NLRP2: variants seen among roughly 807,000 people sequenced by gnomAD.
NLRP2 encodes NACHT, LRR and PYD domains-containing protein 2.
In NLRP2, 107 loss-of-function variants were observed where a neutral mutation model predicts 97.2. The ratio of observed to expected loss-of-function variants is 1.10; its 90% CI spans 0.94 to 1.29. The LOEUF (loss-of-function observed/expected upper bound fraction) is 1.29. NLRP2 is among the 50% of genes most tolerant of loss of function. The probability of loss-of-function intolerance (pLI) is 0.00; values close to 1 mark genes in which losing one functional copy is unlikely to be tolerated. For missense variants in NLRP2, 1,495 were observed against 1,330.3 expected (o/e 1.12, Z -1.93); for synonymous variants, 663 against 551.5 (o/e 1.20, Z -2.83).
At position 54,994,237 on chromosome 19, in the gene NLRP2, G is replaced by A. The variant is rs199897851; in HGVS notation, c.2709-32G>A. 4.2e-5 allele frequency: 67 copies of A among 1,612,818 alleles called. No homozygotes were observed. In the Admixed American group the frequency reaches 8.3e-4, roughly 20 times the overall value. ...CACAGCAGTGAGAACTCACAGGTTC[G>A]GGTTTGCTTTCTTCCTGTGGTTGAT... On this transcript the variant is annotated intron_variant, in intron 10 of 12. Coordinates refer to ENST00000448584, the MANE Select transcript of NLRP2 (RefSeq NM_017852.5).
chr19:54,989,238 G>A (rs1188870254), intron 8 of NLRP2, among the ~76,000 whole-genome samples: 1 of 151,824 alleles, frequency 6.6e-6, no homozygotes, highest in East Asian at 2.0e-4. Flanking sequence ...TTACAGGCAT[G>A]AGCCATTGCC....
chr19:54,994,473 T>C (rs1568535873), intron 11 of NLRP2, 34 bp downstream of exon 11: 2 of 1,605,058 alleles, frequency 1.2e-6, no homozygotes, highest in Admixed American at 3.3e-5. Context: ...TTCCTATACT[T>C]ACACCTTACT....
At chr19:54,981,790 T>C (rs1274939028) in intron 5 of NLRP2, 108 bp downstream of exon 5, 1 of 797,700 alleles carries the variant, frequency 1.3e-6, no homozygotes, top group African/African-American at 1.7e-5. Flanking sequence ...TATGTATGTA[T>C]GTATCGAGAC....
Position 54,997,397 on chromosome 19 carries a change from T to C in NLRP2, c.2960T>C (p.Leu987Pro). Reference protein sequence around the residue: ...ALSCNQSLVTLDLGQNPLGSS... With the variant: ...ALSCNQSLVTPDLGQNPLGSS... ...AGCTGCAACCAGAGCCTCGTCACTC[T>C]GGACCTGGGTCAGAATCCCTTGGGG... Residue 987 changes from leucine to proline, a missense_variant, in exon 12 of 13, where the codon CTG (leucine) becomes CCG (proline). Coordinates refer to ENST00000448584, the MANE Select transcript of NLRP2 (RefSeq NM_017852.5). 6.2e-7 allele frequency: 1 copy of C among 1,614,232 alleles called. No homozygotes were observed. Among genetic ancestry groups the C allele is most frequent in the Non-Finnish European group, 8.5e-7 (1 of 1,180,024 alleles).
intron 3 of NLRP2, chr19:54,976,726 CTT>C (rs1296056181): frequency 2.4e-6 from 1 of 411,370 alleles, no homozygotes; most frequent in Non-Finnish European, 4.7e-6. Context: ...TCCCCAGCAT[CTT>C]TTCAGGAGTT....
rs542595340 is a variant in NLRP2 at position 54,980,496 on chromosome 19, G to A, written c.398-1121G>A. Among the ~76,000 whole-genome samples the A allele has an allele frequency of 2.6e-4, 40 of 152,264 alleles. No individual in the cohort carries two copies. The South Asian group carries it at 7.5e-3, about 28-fold the overall frequency. On this transcript the variant is annotated intron_variant, in intron 4 of 12. Transcript: ENST00000448584. ...GGCGTGAGCCACCGCGCCCAGCCGC[G>A]GGTAAAGAAATTTATGAAGACAATC... is the stretch of plus-strand genomic sequence containing the variant.
intron 2 of NLRP2, among the ~76,000 whole-genome samples, chr19:54,971,809 A>G (rs1337207014): frequency 6.6e-6 from 1 of 152,038 alleles, no homozygotes; most frequent in East Asian, 1.9e-4. Context: ...TAACAATACA[A>G]TAAAATGCAC....
At chr19:54,998,604 CTTTTTTCTTTTTTTTTTTTTTTTTTCCTT>C (rs1316362539) in intron 12 of NLRP2, among the ~76,000 whole-genome samples, 3 of 16,434 alleles carry the variant, frequency 1.8e-4, no homozygotes, top group African/African-American at 7.3e-4. Context: ...TGGGGTGCAT[CTTTTTTCTTTTTTTTTTTTTTTTTTCCTT>C]TTTTTTTTTT....
chr19:54,980,221 GAC>G (rs1401875994), intron 4 of NLRP2, among the ~76,000 whole-genome samples: 1 of 149,788 alleles, frequency 6.7e-6, no homozygotes, highest in Non-Finnish European at 1.5e-5. Context: ...TTTTTTTTGA[GAC>G]AGTCTTGCTC....
chr19:54,998,787 G>A (rs536977677), intron 12 of NLRP2, among the ~76,000 whole-genome samples: 230 of 150,970 alleles, frequency 1.5e-3, no homozygotes, highest in Non-Finnish European at 2.6e-3. Context: ...GCGGCCTTCC[G>A]CAGCGTTTGT....
Position 54,982,236 on chromosome 19 carries a change from A to T in NLRP2, c.538A>T (p.Lys180Ter). ...GTGGAAGAGCTGGCCTGGAGATAGC[A>T]AAGAGGTCCAGGTTATGGCTGAGAG... ...EMWKSWPGDSKEVQVMAERYK... is the reference protein window; with the variant it reads ...EMWKSWPGDS Residue 180 changes from lysine (K) to a stop codon, truncating the protein, a stop_gained, in exon 6 of 13, where the codon AAA (lysine) becomes TAA (stop). Coordinates refer to ENST00000448584, the MANE Select transcript of NLRP2 (RefSeq NM_017852.5). LOFTEE classifies it high-confidence loss of function. 1.2e-6 allele frequency: 2 copies of T among 1,614,146 alleles called. No individual in the cohort carries two copies. The highest frequency in any genetic ancestry group is 1.7e-6 in the Non-Finnish European group (2 of 1,180,034).
rs749684265 is a variant in NLRP2 at position 54,976,810 on chromosome 19, C to CTTTTTTTTTTTT, written c.326-941_326-940insTTTTTTTTTTTT. ...TTATTAGGATTCCACCTTGTTCTCTCTCTTTTTTTTTTTTTTTTTGATACG... is the reference window on the plus strand; with the variant it reads ...TTATTAGGATTCCACCTTGTTCTCTCTTTTTTTTTTTTTCTTTTTTTTTTTTTTTTTGATACG... On this transcript the variant is annotated intron_variant, in intron 3 of 12. Transcript: ENST00000448584. 1,518 of 319,436 alleles carry CTTTTTTTTTTTT rather than the reference C, an allele frequency of 4.8e-3. 234 individuals are homozygous for CTTTTTTTTTTTT. Among genetic ancestry groups the CTTTTTTTTTTTT allele is most frequent in the African/African-American group, 0.014 (334 of 24,728 alleles). The allele number at this position is 319,436 out of a possible 1,614,324, so 19.8% of individuals were successfully genotyped here.
At chr19:54,969,716 G>C (rs1326104926) in intron 1 of NLRP2, among the ~76,000 whole-genome samples, 1 of 152,160 alleles carries the variant, frequency 6.6e-6, no homozygotes, top group African/African-American at 2.4e-5. Context: ...TGGGAGTGCA[G>C]TGGCACAATC....
At chr19:54,993,782 T>C (rs932523638) in intron 10 of NLRP2, 4 of 259,124 alleles carry the variant, frequency 1.5e-5, no homozygotes, top group Non-Finnish European at 2.3e-5. Flanking sequence ...GGCACAAGAA[T>C]CGCGTGAAAC....
chr19:54,978,190 C>T (rs982970079), intron 4 of NLRP2, among the ~76,000 whole-genome samples: 27 of 151,768 alleles, frequency 1.8e-4, no homozygotes, highest in African/African-American at 6.3e-4. Flanking sequence ...GACTCAGCCT[C>T]CTGAGTAGCT....
intron 1 of NLRP2, among the ~76,000 whole-genome samples, chr19:54,967,812 TGA>T (rs961189650): frequency 2.0e-5 from 3 of 152,126 alleles, no homozygotes; most frequent in Non-Finnish European, 4.4e-5. Context: ...CTTCCGGACC[TGA>T]GTCTTATGCA....
At chr19:54,979,453 C>T (rs907965895) in intron 4 of NLRP2, among the ~76,000 whole-genome samples, 7 of 152,122 alleles carry the variant, frequency 4.6e-5, no homozygotes, top group Non-Finnish European at 8.8e-5. Context: ...AGTGATTCTG[C>T]CTCAGCCTCC....
At chr19:54,995,411 C>T (rs565483570) in intron 11 of NLRP2, among the ~76,000 whole-genome samples, 3 of 151,580 alleles carry the variant, frequency 2.0e-5, no homozygotes, top group East Asian at 2.0e-4. Context: ...AGGCTGGTCT[C>T]GACCTCCGGA....
chr19:54,991,784 G>T (rs558638863), intron 10 of NLRP2, among the ~76,000 whole-genome samples: 1 of 149,702 alleles, frequency 6.7e-6, no homozygotes, highest in African/African-American at 2.5e-5. Context: ...CAGGAGAATC[G>T]CTTGAAGTCG....
Sources: gnomAD v4.1 joint callset for allele counts (sites outside exome capture counted in the v4.1 genomes callset) on GRCh38, gnomAD v4.1.1 for gene constraint, MANE v1.5 for transcripts, NCBI Gene and HGNC (gene_info 2026-07-23, HGNC 2026-07-21) for gene names.